AGBL4: variants seen among roughly 807,000 people sequenced by gnomAD.
AGBL4 encodes the protein AGBL carboxypeptidase 4, also known as cytosolic carboxypeptidase 6.
In AGBL4, 58 loss-of-function variants were observed where a neutral mutation model predicts 66.4. That is an observed-to-expected ratio of 0.87 (90% CI 0.71 to 1.09). The LOEUF is 1.09. Ranked by LOEUF, AGBL4 falls within the 50% of genes least tolerant of loss-of-function variation. The pLI is 0.00. For synonymous variants in AGBL4, 234 were observed against 222.9 expected, an observed-to-expected ratio of 1.05 and a Z score of -0.44; for missense variants, 579 against 631.0, an observed-to-expected ratio of 0.92 and a Z score of 0.88.
chr1:49,754,431 T>C (rs1350371993), intron 2 of AGBL4, among the ~76,000 whole-genome samples: 2 of 152,132 alleles, frequency 1.3e-5, no homozygotes, highest in African/African-American at 4.8e-5. Context: ...TTAGTTTTCC[T>C]TCTAATAGTA....
At chr1:49,421,382 CG>C (rs963507860) in intron 3 of AGBL4, among the ~76,000 whole-genome samples, 13 of 144,406 alleles carry the variant, frequency 9.0e-5, no homozygotes. Context: ...CTACGGGGGG[CG>C]GGGGGAAGCT....
chr1:49,616,232 G>T (rs1645247534), intron 3 of AGBL4, among the ~76,000 whole-genome samples: 1 of 152,072 alleles, frequency 6.6e-6, no homozygotes, highest in Non-Finnish European at 1.5e-5. Context: ...GAAACTGCTT[G>T]TGTCAAGATC....
intron 6 of AGBL4, among the ~76,000 whole-genome samples, chr1:48,734,852 G>A (rs1648764390): frequency 6.6e-6 from 1 of 152,190 alleles, no homozygotes; most frequent in South Asian, 2.1e-4. Flanking sequence ...TCTGCCCCCA[G>A]AGTCTGCTGA....
intron 5 of AGBL4, among the ~76,000 whole-genome samples, chr1:48,991,473 T>C (rs1048294686): frequency 6.6e-6 from 1 of 152,172 alleles, no homozygotes; most frequent in Non-Finnish European, 1.5e-5. Context: ...TGGTTAAATA[T>C]GCTAGGTGTT....
chr1:49,248,721 G>A (rs965130426), intron 3 of AGBL4, among the ~76,000 whole-genome samples: 2 of 152,052 alleles, frequency 1.3e-5, no homozygotes, highest in African/African-American at 4.8e-5. Flanking sequence ...GATTATATAA[G>A]TAAATCACCT....
intron 3 of AGBL4, among the ~76,000 whole-genome samples, chr1:49,291,715 C>T (rs753616182): frequency 3.3e-5 from 5 of 152,180 alleles, no homozygotes; most frequent in East Asian, 1.9e-4. Context: ...GTCATGGTAA[C>T]GCTAGTGATG....
At chr1:48,820,797 A>G (rs1646295089) in intron 6 of AGBL4, among the ~76,000 whole-genome samples, 1 of 152,206 alleles carries the variant, frequency 6.6e-6, no homozygotes, top group Non-Finnish European at 1.5e-5. Flanking sequence ...CTAAAGAAAT[A>G]ACAGGGTAAA....
chr1:49,854,162 G>A (rs1646374900), intron 1 of AGBL4, among the ~76,000 whole-genome samples: 1 of 99,130 alleles, frequency 1.0e-5, no homozygotes, highest in South Asian at 4.2e-4. Flanking sequence ...GAAGATGGAT[G>A]ACTATAGGTG....
intron 3 of AGBL4, among the ~76,000 whole-genome samples, chr1:49,262,747 C>A (rs956206154): frequency 6.6e-6 from 1 of 152,134 alleles, no homozygotes; most frequent in Non-Finnish European, 1.5e-5. Flanking sequence ...GTCAGTGTGG[C>A]GATTCCTCAG....
chr1:49,589,035 C>T (rs1305273588), intron 3 of AGBL4, among the ~76,000 whole-genome samples: 1 of 152,034 alleles, frequency 6.6e-6, no homozygotes, highest in Non-Finnish European at 1.5e-5. Context: ...TCCACAAGTC[C>T]TGGAAGGAGT....
chr1:49,930,803 T>G (rs1653264412), intron 1 of AGBL4, among the ~76,000 whole-genome samples: 1 of 152,154 alleles, frequency 6.6e-6, no homozygotes, highest in Non-Finnish European at 1.5e-5. Flanking sequence ...AATATCGTAC[T>G]TAATGGTAAA....
At chr1:49,839,153 T>C (rs1164667723) in intron 2 of AGBL4, among the ~76,000 whole-genome samples, 6 of 152,072 alleles carry the variant, frequency 3.9e-5, no homozygotes. Flanking sequence ...GCAGAGAAAA[T>C]AGGAAAGAAA....
At chr1:49,504,531 T>G (rs774541230) in intron 3 of AGBL4, among the ~76,000 whole-genome samples, 1 of 152,040 alleles carries the variant, frequency 6.6e-6, no homozygotes, top group African/African-American at 2.4e-5. Flanking sequence ...AATTTTGGGG[T>G]GCATATATAT....
intron 3 of AGBL4, among the ~76,000 whole-genome samples, chr1:49,287,004 C>T (rs1307264702): frequency 2.6e-5 from 4 of 151,680 alleles, no homozygotes; most frequent in Admixed American, 2.6e-4. Context: ...GGTACTGGTA[C>T]CAAAACAGAG....
At chr1:49,619,148 G>T (rs1479946267) in intron 3 of AGBL4, among the ~76,000 whole-genome samples, 1 of 152,126 alleles carries the variant, frequency 6.6e-6, no homozygotes, top group African/African-American at 2.4e-5. Context: ...GAAATAAAGG[G>T]TATTCAAATA....
chr1:49,952,808 T>C (rs1416640915), intron 1 of AGBL4, among the ~76,000 whole-genome samples: 2 of 151,934 alleles, frequency 1.3e-5, no homozygotes, highest in African/African-American at 4.8e-5. Context: ...TAAAGATATA[T>C]GTACATTGAG....
At chr1:49,577,028 A>G (rs911737364) in intron 3 of AGBL4, among the ~76,000 whole-genome samples, 4 of 152,196 alleles carry the variant, frequency 2.6e-5, no homozygotes. Context: ...TTATATACTG[A>G]TTCAAGGGCT....
intron 2 of AGBL4, among the ~76,000 whole-genome samples, chr1:49,729,568 A>G (rs2124708415): frequency 6.6e-6 from 1 of 152,230 alleles, no homozygotes; most frequent in Non-Finnish European, 1.5e-5. Context: ...ATCCTCAATT[A>G]TTTTCTTTCT....
At chr1:48,632,525 A>G (rs1645609537) in intron 9 of AGBL4, among the ~76,000 whole-genome samples, 2 of 152,156 alleles carry the variant, frequency 1.3e-5, no homozygotes, top group Non-Finnish European at 2.9e-5. Context: ...TGGGGATTTA[A>G]CTAAAATACC....
Sources: allele counts gnomAD v4.1 joint callset (sites outside exome capture counted in the v4.1 genomes callset), GRCh38; gene constraint gnomAD v4.1.1; transcripts MANE v1.5; gene names NCBI Gene and HGNC (gene_info 2026-07-23, HGNC 2026-07-21).